Variants in AHNAK observed in about 807,000 individuals in gnomAD.
AHNAK encodes AHNAK nucleoprotein.
Under a neutral mutation model 37.8 loss-of-function variants are expected in AHNAK, and 23 were observed. That is an observed-to-expected ratio of 0.61 (90% CI 0.44 to 0.86). The LOEUF (loss-of-function observed/expected upper bound fraction) is 0.86, where lower values mean the gene tolerates loss of function less well. AHNAK is among the 40% of genes least tolerant of loss of function. The pLI is 0.00. For missense variants in AHNAK, 7,411 were observed against 7,319.4 expected, an observed-to-expected ratio of 1.01 and a Z score of -0.46; for synonymous variants, 2,481 against 2,636.3, an observed-to-expected ratio of 0.94 and a Z score of 1.80.
Position 62,528,053 on chromosome 11 carries a change from C to T in AHNAK, c.6364G>A (p.Val2122Met). 1 of 1,613,946 alleles carries T rather than the reference C, an allele frequency of 6.2e-7. No homozygotes were observed. The highest frequency in any genetic ancestry group is 1.3e-5 in the African/African-American group (1 of 74,962). ...FKAPKISMPD[V>M]DLHLKGPKVK... ...TTGGGGCCTTTCAAGTGTAAGTCCA[C>T]ATCAGGCATGGAGATCTTGGGGGCC... Residue 2122 changes from valine (V) to methionine (M), a missense_variant, in exon 5 of 5, where the codon GTG becomes ATG. Coordinates refer to ENST00000378024, the MANE Select transcript of AHNAK (RefSeq NM_001620.3).
chr11:62,471,091 G>T (rs764119759), intron 5 of AHNAK, among the ~76,000 whole-genome samples: 4 of 152,226 alleles, frequency 2.6e-5, no homozygotes, highest in Non-Finnish European at 5.9e-5. Context: ...GCATCCAGCT[G>T]CAGGGATGAT....
intron 4 of AHNAK, among the ~76,000 whole-genome samples, chr11:62,509,475 G>A (rs900148410): frequency 3.3e-5 from 5 of 151,388 alleles, no homozygotes; most frequent in African/African-American, 9.7e-5. Context: ...ACTTGAACTC[G>A]GGAGGCAGAG....
chr11:62,500,705 CTG>C (rs1939696788), intron 4 of AHNAK, among the ~76,000 whole-genome samples: 1 of 152,182 alleles, frequency 6.6e-6, no homozygotes, highest in African/African-American at 2.4e-5. Flanking sequence ...AGTGAACAAA[CTG>C]GGAGATTTCT....
Position 62,532,388 on chromosome 11 carries a change from CCAGA to C in AHNAK, c.2025_2028del (p.Leu676GlyfsTer14), listed in dbSNP as rs1292934705. On this transcript the variant is annotated frameshift_variant, in exon 5 of 5. Coordinates refer to ENST00000378024, the MANE Select transcript of AHNAK (RefSeq NM_001620.3). LOFTEE classifies it low-confidence loss of function (END_TRUNC). Reference sequence around the variant, plus strand: ...ACATCGGGGCCTTTAAGTTTTCCCCCCAGACCCTCCAAGTTGACATCTGGGGCTT... The same window carrying C: ...ACATCGGGGCCTTTAAGTTTTCCCCCCCCTCCAAGTTGACATCTGGGGCTT... The C allele has an allele frequency of 6.2e-7, 1 of 1,614,014 alleles. No individual in the cohort carries two copies. The highest frequency in any genetic ancestry group is 1.3e-5 in the African/African-American group (1 of 74,896).
In AHNAK at chr11:62,527,841, G is replaced by A; in HGVS notation, c.6576C>T (p.Asn2192=). ...CCCCTTTGACTTTGGGGCCTTTCAA[G>A]TTTAAGTTCACATCAGGCATGGAGA... is the stretch of plus-strand genomic sequence containing the variant. ...PKISMPDVNL[N]LKGPKVKGDM... is the part of the protein sequence containing the mutation. Residue 2192 remains asparagine, a synonymous_variant, in exon 5 of 5, where the codon AAC becomes AAT. Transcript: ENST00000378024. 1 of 1,607,210 alleles carries A rather than the reference G, an allele frequency of 6.2e-7. No homozygotes were observed. Among genetic ancestry groups the A allele is most frequent in the Non-Finnish European group, 8.5e-7 (1 of 1,177,710 alleles).
Position 62,518,859 on chromosome 11 carries a change from G to T in AHNAK, c.15558C>A (p.Ser5186=). 6.2e-7 allele frequency: 1 copy of T among 1,614,224 alleles called. No homozygotes were observed. The highest frequency in any genetic ancestry group is 8.5e-7 in the Non-Finnish European group (1 of 1,180,038). The change falls in exon 5 of 5, where the codon TCC becomes TCA. Residue 5186 remains serine, a synonymous_variant. Coordinates refer to ENST00000378024, the MANE Select transcript of AHNAK (RefSeq NM_001620.3). The stretch of plus-strand genomic sequence containing the variant: ...AGACTTGAGGGGCAGAAATGCCGAA[G>T]GACGGTGTTTTGACTTTAGCATCTA... ...EGLDAKVKTP[S]FGISAPQVSI...
intron 4 of AHNAK, among the ~76,000 whole-genome samples, chr11:62,505,645 G>T (rs1939796444): frequency 6.6e-6 from 1 of 151,158 alleles, no homozygotes; most frequent in South Asian, 2.1e-4. Context: ...TTTCCTTCCC[G>T]CTCCACGCCC....
At position 62,530,393 on chromosome 11, in the gene AHNAK, C is replaced by T. The variant is rs776554777; in HGVS notation, c.4024G>A (p.Asp1342Asn). The T allele has an allele frequency of 6.2e-7, 1 of 1,614,138 alleles. No homozygotes were observed. The highest frequency in any genetic ancestry group is 1.7e-5 in the Admixed American group (1 of 60,012). The change falls in exon 5 of 5, where the codon GAT becomes AAT. Residue 1342 changes from aspartate (D) to asparagine (N), a missense_variant. Transcript: ENST00000378024. Reference sequence around the variant, plus strand: ...CCTTCTACCTCAGGCAAGGACACATCCACATCTCCCTTCAATTTTGGCCCC... The same window carrying T: ...CCTTCTACCTCAGGCAAGGACACATTCACATCTCCCTTCAATTTTGGCCCC... Reference protein sequence around the residue: ...LKGPKLKGDVDVSLPEVEGEM... With the variant: ...LKGPKLKGDVNVSLPEVEGEM...
intron 1 of AHNAK, among the ~76,000 whole-genome samples, chr11:62,541,032 C>T (rs1941107179): frequency 6.6e-6 from 1 of 152,224 alleles, no homozygotes; most frequent in African/African-American, 2.4e-5. Flanking sequence ...GAGAACAGTG[C>T]CCCTTCCCCG....
In AHNAK at chr11:62,528,616, G is replaced by A. The variant is rs1446311878; in HGVS notation, c.5801C>T (p.Pro1934Leu). 1.2e-6 allele frequency: 2 copies of A among 1,609,126 alleles called. No individual in the cohort carries two copies. Among genetic ancestry groups the A allele is most frequent in the Non-Finnish European group, 1.7e-6 (2 of 1,179,072 alleles). The change falls in exon 5 of 5, where the codon CCC (proline) becomes CTC (leucine). Residue 1934 changes from proline (P) to leucine (L), a missense_variant. By Grantham distance (98) the Pro-to-Leu change is moderately conservative. Transcript: ENST00000378024. ...CACATCCACATCCCCTTTGACTTTG[G>A]GGCCTTTCAAGTGTAAGTCCACATC... ...MPDVDLHLKG[P>L]KVKGDVDVSV...
Position 62,528,465 on chromosome 11 carries a change from G to T in AHNAK, c.5952C>A (p.Phe1984Leu). ...GPKFKMPEMHFKTPKISMPDV... is the reference protein window; with the variant it reads ...GPKFKMPEMHLKTPKISMPDV... ...CAGGCATGGAGATCTTGGGGGTCTT[G>T]AAGTGCATCTCAGGCATCTTAAACT... The change falls in exon 5 of 5, where the codon TTC becomes TTA. Residue 1984 changes from phenylalanine to leucine, a missense_variant. By Grantham distance (22) the Phe-to-Leu change is conservative. Transcript: ENST00000378024. 1 of 1,613,512 alleles carries T rather than the reference G, an allele frequency of 6.2e-7. No homozygotes were observed. The highest frequency in any genetic ancestry group is 8.5e-7 in the Non-Finnish European group (1 of 1,179,904).
At chr11:62,490,058 G>C (rs1031748330) in intron 5 of AHNAK, among the ~76,000 whole-genome samples, 1 of 152,102 alleles carries the variant, frequency 6.6e-6, no homozygotes, top group African/African-American at 2.4e-5. Flanking sequence ...GGAACGGGAA[G>C]TGGGGGGACT....
At chr11:62,506,807 G>A (rs531929618) in intron 4 of AHNAK, among the ~76,000 whole-genome samples, 36 of 152,254 alleles carry the variant, frequency 2.4e-4, no homozygotes, top group African/African-American at 7.7e-4. Context: ...AGGGTGGCCC[G>A]GGGCAGGAGA....
At chr11:62,514,482 A>G (rs2134185500), downstream of AHNAK, among the ~76,000 whole-genome samples, 1 of 152,310 alleles carries the variant, frequency 6.6e-6, no homozygotes, top group East Asian at 1.9e-4. Flanking sequence ...CCAGTGCAGC[A>G]GGGGGTTTCT....
At chr11:62,448,612 G>A (rs1216487630) in intron 5 of AHNAK, among the ~76,000 whole-genome samples, 1 of 152,224 alleles carries the variant, frequency 6.6e-6, no homozygotes, top group Non-Finnish European at 1.5e-5. Flanking sequence ...GCAGGTTCAG[G>A]GGTGGGGGAG....
chr11:62,464,368 A>G (rs566698845), intron 5 of AHNAK, among the ~76,000 whole-genome samples: 2 of 151,414 alleles, frequency 1.3e-5, no homozygotes, highest in East Asian at 4.0e-4. Context: ...TGAACTTGCT[A>G]TTTTAAAATT....
In AHNAK at chr11:62,518,471, C is replaced by G. The variant is rs773905134; in HGVS notation, c.15946G>C (p.Asp5316His). The G allele has an allele frequency of 1.2e-6, 2 of 1,613,988 alleles. No individual in the cohort carries two copies. The highest frequency in any genetic ancestry group is 2.7e-5 in the African/African-American group (2 of 74,888). Residue 5316 changes from aspartate (D) to histidine (H), a missense_variant, in exon 5 of 5, where the codon GAT becomes CAT. Asp to His is a moderately conservative substitution (Grantham distance 81, BLOSUM62 -1). Transcript: ENST00000378024. ...ACCTTCATGCTGGGAACAGATGCAT[C>G]CAGGTCTCCCTTCAAACTTGGTCCT... ...LKGPSLKGDL[D>H]ASVPSMKVHA...
intron 5 of AHNAK, among the ~76,000 whole-genome samples, chr11:62,467,664 A>G (rs1590605986): frequency 1.3e-5 from 2 of 152,296 alleles, no homozygotes; most frequent in Admixed American, 1.3e-4. Context: ...CAGCCTGGGC[A>G]ACAGAGTGAG....
At chr11:62,462,183 C>T (rs1209728899) in intron 5 of AHNAK, among the ~76,000 whole-genome samples, 1 of 152,116 alleles carries the variant, frequency 6.6e-6, no homozygotes, top group African/African-American at 2.4e-5. Context: ...TCCCAACTTT[C>T]CCTCTCTCAC....
Sources: gnomAD v4.1 joint callset for allele counts (sites outside exome capture counted in the v4.1 genomes callset) on GRCh38, gnomAD v4.1.1 for gene constraint, MANE v1.5 for transcripts, NCBI Gene and HGNC (gene_info 2026-07-23, HGNC 2026-07-21) for gene names.